Variants in BRCA2 observed in about 807,000 individuals in gnomAD.
The protein encoded by BRCA2 is breast cancer type 2 susceptibility protein.
A neutral mutation model predicts 276.7 loss-of-function variants in BRCA2; 203 were observed. That is an observed-to-expected ratio of 0.73 (90% CI 0.65 to 0.82). BRCA2 has a LOEUF of 0.82. Ranked by LOEUF, BRCA2 falls within the 40% of genes least tolerant of loss-of-function variation. The pLI, the probability that BRCA2 is intolerant of heterozygous loss-of-function variation, is 0.00. For missense variants in BRCA2, 3,920 were observed against 3,915.0 expected, an observed-to-expected ratio of 1.00 and a Z score of -0.03; for synonymous variants, 1,289 against 1,338.4, an observed-to-expected ratio of 0.96 and a Z score of 0.81.
intron 21 of BRCA2, among the ~76,000 whole-genome samples, chr13:32,377,590 CAAAAA>C (rs796964470): frequency 4.0e-5 from 4 of 99,582 alleles, no homozygotes; most frequent in Admixed American, 1.0e-4. Context: ...AACTCCGTCT[CAAAAA>C]AAAAAAAAAA....
At chr13:32,360,213 G>C (rs1011365439) in intron 16 of BRCA2, among the ~76,000 whole-genome samples, 1 of 152,202 alleles carries the variant, frequency 6.6e-6, no homozygotes, top group Non-Finnish European at 1.5e-5. Flanking sequence ...TGAGGAACAG[G>C]AAGTTAGTGC....
chr13:32,358,803 G>T (rs1166970045), intron 16 of BRCA2, among the ~76,000 whole-genome samples: 1 of 150,128 alleles, frequency 6.7e-6, no homozygotes, highest in Non-Finnish European at 1.5e-5. Context: ...GTATGGTGAT[G>T]CATGCCCGTA....
In BRCA2 at chr13:32,340,062, A is replaced by G. The variant is rs431825333; in HGVS notation, c.5707A>G (p.Ile1903Val). The G allele has an allele frequency of 1.2e-6, 2 of 1,613,884 alleles. No homozygotes were observed. The highest frequency in any genetic ancestry group is 2.2e-5 in the East Asian group (1 of 44,856). ...CYEALDDSED[I>V]LHNSLDNDEC... ...CGAGGCATTGGATGATTCAGAGGAT[A>G]TTCTTCATAACTCTCTAGATAATGA... The change falls in exon 11 of 27, where the codon ATT becomes GTT. Residue 1903 changes from isoleucine (I) to valine (V), a missense_variant. Coordinates refer to ENST00000380152, the MANE Select transcript of BRCA2 (RefSeq NM_000059.4).
chr13:32,357,681 T>C, intron 15 of BRCA2, 61 bp from the exon 16 acceptor site: 1 of 1,530,868 alleles, frequency 6.5e-7, no homozygotes, highest in Non-Finnish European at 8.9e-7. Flanking sequence ...ATTGTTTTTA[T>C]TGTGTGATAC....
In BRCA2 at chr13:32,394,949, A is replaced by C. The variant is rs1555289626; in HGVS notation, c.9501+16A>C. 1.9e-6 allele frequency: 3 copies of C among 1,613,638 alleles called. No homozygotes were observed. Among genetic ancestry groups the C allele is most frequent in the Admixed American group, 3.3e-5 (2 of 59,996 alleles). On this transcript the variant is annotated intron_variant, in intron 25 of 26. Transcript: ENST00000380152. ...TACTGTTGAGGTAAGGTTACTTTTC[A>C]GCATCACCACACATTTTGGTATTTT...
chr13:32,316,992 G>A (rs1329332543), intron 2 of BRCA2, among the ~76,000 whole-genome samples: 1 of 152,198 alleles, frequency 6.6e-6, no homozygotes, highest in African/African-American at 2.4e-5. Flanking sequence ...GAGGCCAGAA[G>A]TTTGAGACCA....
At chr13:32,326,019 G>T (rs2137448856) in intron 4 of BRCA2, 82 bp from the exon 5 acceptor site, 1 of 1,221,150 alleles carries the variant, frequency 8.2e-7, no homozygotes, top group Non-Finnish European at 1.2e-6. Flanking sequence ...ATATGAATGA[G>T]AATCTTCTTT....
intron 24 of BRCA2, among the ~76,000 whole-genome samples, chr13:32,389,346 C>T (rs541344532): frequency 1.2e-4 from 18 of 152,176 alleles, no homozygotes; most frequent in Non-Finnish European, 2.6e-4. Flanking sequence ...TCGTATATGT[C>T]CATTTCTCAA....
chr13:32,351,240 G>A (rs867573023), intron 13 of BRCA2, among the ~76,000 whole-genome samples: 4 of 152,096 alleles, frequency 2.6e-5, no homozygotes, highest in Admixed American at 6.5e-5. Flanking sequence ...GAAGGTCTGC[G>A]GCTTCACTCC....
At chr13:32,381,995 C>CAT (rs2072927543) in intron 24 of BRCA2, among the ~76,000 whole-genome samples, 1 of 152,094 alleles carries the variant, frequency 6.6e-6, no homozygotes, top group Admixed American at 6.5e-5. Context: ...TTCAGGAGCT[C>CAT]AGTTTTAGAC....
At chr13:32,316,151 G>A (rs1354483194) in intron 1 of BRCA2, among the ~76,000 whole-genome samples, 1 of 152,188 alleles carries the variant, frequency 6.6e-6, no homozygotes, top group African/African-American at 2.4e-5. Context: ...CTAGCCACGC[G>A]TCACTGGTTA....
rs80358749 is a variant in BRCA2, at chr13:32,339,609, C to A, written c.5254C>A (p.His1752Asn). Residue 1752 changes from histidine (H) to asparagine (N), a missense_variant, in exon 11 of 27, where the codon CAT becomes AAT. By Grantham distance (68) the His-to-Asn change is moderately conservative. Coordinates refer to ENST00000380152, the MANE Select transcript of BRCA2 (RefSeq NM_000059.4). ...NSSMSNSYSY[H>N]SDEVYNDSGY... ...TAGCATGTCTAACAGCTATTCCTAC[C>A]ATTCTGATGAGGTATATAATGATTC... 1 of 1,611,142 alleles carries A rather than the reference C, an allele frequency of 6.2e-7. No individual in the cohort carries two copies. Among genetic ancestry groups the A allele is most frequent in the South Asian group, 1.1e-5 (1 of 90,620 alleles).
chr13:32,370,193 AAAC>A (rs1483841433), intron 18 of BRCA2, among the ~76,000 whole-genome samples: 3 of 152,242 alleles, frequency 2.0e-5, no homozygotes, highest in Admixed American at 6.5e-5. Context: ...GTAGCAGTAT[AAAC>A]AATATGTTTG....
chr13:32,370,166 A>C (rs1002145600), intron 18 of BRCA2, among the ~76,000 whole-genome samples: 5 of 152,200 alleles, frequency 3.3e-5, no homozygotes, highest in African/African-American at 1.2e-4. Context: ...GAAACATTTA[A>C]ATAGCATTAA....
chr13:32,336,786 A>G lies in BRCA2; in HGVS notation c.2431A>G (p.Lys811Glu). Residue 811 changes from lysine (K) to glutamate (E), a missense_variant, in exon 11 of 27, where the codon AAA becomes GAA. Physicochemically the swap from Lys to Glu is moderately conservative, Grantham distance 56. Around this residue, in one of 2 missense-constraint regions of BRCA2, gnomAD observed 3,263 missense variants for 3,156.9 expected, o/e 1.03. Transcript: ENST00000380152. ...NNYESDVELTKNIPMEKNQDV... is the reference protein window; with the variant it reads ...NNYESDVELTENIPMEKNQDV... Reference sequence around the variant, plus strand: ...TTATGAATCTGATGTTGAATTAACCAAAAATATTCCCATGGAAAAGAATCA... The same window carrying G: ...TTATGAATCTGATGTTGAATTAACCGAAAATATTCCCATGGAAAAGAATCA... The G allele has an allele frequency of 1.2e-6, 2 of 1,608,678 alleles. No individual in the cohort carries two copies. Among genetic ancestry groups the G allele is most frequent in the East Asian group, 2.2e-5 (1 of 44,852 alleles).
intron 24 of BRCA2, among the ~76,000 whole-genome samples, chr13:32,384,483 G>A (rs1228323763): frequency 6.6e-6 from 1 of 152,200 alleles, no homozygotes; most frequent in African/African-American, 2.4e-5. Flanking sequence ...TTTAATTTTT[G>A]TGTGTTTATA....
At chr13:32,351,855 A>G (rs769686490) in intron 13 of BRCA2, among the ~76,000 whole-genome samples, 7 of 152,084 alleles carry the variant, frequency 4.6e-5, no homozygotes, top group South Asian at 2.1e-4. Context: ...AGGCTGGAGT[A>G]CAGTGGCACG....
In BRCA2 at chr13:32,340,445, T is replaced by C. The variant is rs1566233878; in HGVS notation, c.6090T>C (p.Asn2030=). 6.8e-6 allele frequency: 11 copies of C among 1,613,812 alleles called. No homozygotes were observed. The highest frequency in any genetic ancestry group is 9.3e-6 in the Non-Finnish European group (11 of 1,179,820). ...EHSDQLTREE[N]TAIRTPEHLI... ...CAGACCAGCTCACAAGAGAAGAAAA[T>C]ACTGCTATACGTACTCCAGAACATT... Residue 2030 remains asparagine (N), a synonymous_variant, in exon 11 of 27, where the codon AAT becomes AAC. Coordinates refer to ENST00000380152, the MANE Select transcript of BRCA2 (RefSeq NM_000059.4).
intron 16 of BRCA2, among the ~76,000 whole-genome samples, chr13:32,358,746 C>A (rs1439414767): frequency 6.6e-6 from 1 of 151,816 alleles, no homozygotes; most frequent in East Asian, 2.0e-4. Flanking sequence ...CCAGCCTGGC[C>A]AACATGGTGA....
Sources: allele counts gnomAD v4.1 joint callset (sites outside exome capture counted in the v4.1 genomes callset), GRCh38; gene constraint gnomAD v4.1.1; regional missense constraint gnomAD v4.1.1; transcripts MANE v1.5; gene names NCBI Gene and HGNC (gene_info 2026-07-23, HGNC 2026-07-21).